The following ARK2N variants were observed in gnomAD, a reference collection of about 807,000 sequenced individuals.
ARK2N encodes the protein arkadia (RNF111) N-terminal like PKA signaling regulator 2N.
chr18:46,240,131 A>T, the ARK2N span: 2 of 1,614,220 alleles, frequency 1.2e-6, no homozygotes, highest in Non-Finnish European at 1.7e-6. Context: ...GGCGGCCAGG[A>T]CACAGGAGCT....
chr18:46,196,138 GC>G, the ARK2N span, among the ~76,000 whole-genome samples: 2 of 151,682 alleles, frequency 1.3e-5, no homozygotes, highest in Non-Finnish European at 2.9e-5. Flanking sequence ...GCGCCACCAC[GC>G]CCAGCTAATT....
At chr18:46,216,595 G>C in the ARK2N span, 1 of 1,604,706 alleles carries the variant, frequency 6.2e-7, no homozygotes, top group Non-Finnish European at 8.5e-7. This position sits in a 1 kb window ranked among gnomAD's most constrained non-coding sequence, Gnocchi z 4.3. Flanking sequence ...AGAGATACCA[G>C]GTAGAGGATG....
the ARK2N span, among the ~76,000 whole-genome samples, chr18:46,261,464 TC>T: frequency 6.6e-6 from 1 of 152,204 alleles, no homozygotes; most frequent in Admixed American, 6.5e-5. Context: ...AAGGTAGTGT[TC>T]CGTTGGCCTT....
the ARK2N span, among the ~76,000 whole-genome samples, chr18:46,177,693 C>T: frequency 1.3e-5 from 2 of 151,906 alleles, no homozygotes; most frequent in African/African-American, 4.8e-5. Flanking sequence ...TCCCAAAGTG[C>T]TGGGATTACA....
the ARK2N span, chr18:46,218,982 G>T: frequency 1.3e-5 from 2 of 152,158 alleles, no homozygotes; most frequent in African/African-American, 4.8e-5. Flanking sequence ...TTCAGAAAAT[G>T]CTCTTTATAA....
chr18:46,213,163 G>A, the ARK2N span, among the ~76,000 whole-genome samples: 2 of 151,470 alleles, frequency 1.3e-5, no homozygotes, highest in African/African-American at 4.9e-5. Context: ...CACCACGCCT[G>A]GCTAATTTTT....
At chr18:46,222,590 T>G in the ARK2N span, among the ~76,000 whole-genome samples, 2 of 152,222 alleles carry the variant, frequency 1.3e-5, no homozygotes, top group Middle Eastern at 3.2e-3. Flanking sequence ...AGTGCCTATA[T>G]TAACTTTGTA....
chr18:46,177,492 C>T, the ARK2N span, among the ~76,000 whole-genome samples: 5 of 141,016 alleles, frequency 3.5e-5, no homozygotes, highest in Admixed American at 7.6e-5. Context: ...AGTACAGTGG[C>T]GCGGTCTTGG....
At chr18:46,187,426 C>T in the ARK2N span, among the ~76,000 whole-genome samples, 1 of 151,286 alleles carries the variant, frequency 6.6e-6, no homozygotes, top group Non-Finnish European at 1.5e-5. Flanking sequence ...ACTGCAACCT[C>T]CGCCTCCCGG....
At chr18:46,189,947 T>C in the ARK2N span, among the ~76,000 whole-genome samples, 6 of 151,814 alleles carry the variant, frequency 4.0e-5, no homozygotes, top group Non-Finnish European at 8.8e-5. Context: ...TTCAGAACTT[T>C]TATGTTTGGT....
the ARK2N span, among the ~76,000 whole-genome samples, chr18:46,255,429 GCTTTTCTTTT>G: frequency 7.8e-6 from 1 of 127,462 alleles, no homozygotes. Flanking sequence ...TCTTTTCTTT[GCTTTTCTTTT>G]CTTTTCTTTT....
chr18:46,205,499 G>T, the ARK2N span, among the ~76,000 whole-genome samples: 3 of 152,188 alleles, frequency 2.0e-5, no homozygotes, highest in East Asian at 3.9e-4. Context: ...TGTGTTTTAC[G>T]GGTATGTCTT....
the ARK2N span, among the ~76,000 whole-genome samples, chr18:46,207,365 T>C: frequency 6.6e-6 from 1 of 151,392 alleles, no homozygotes; most frequent in African/African-American, 2.4e-5. Context: ...TCTAAGTTTC[T>C]CAGTAATTAC....
the ARK2N span, among the ~76,000 whole-genome samples, chr18:46,259,059 C>T: frequency 6.6e-6 from 1 of 152,084 alleles, no homozygotes; most frequent in Non-Finnish European, 1.5e-5. Flanking sequence ...TGTCCTCATC[C>T]ATCTCCTAAC....
the ARK2N span, among the ~76,000 whole-genome samples, chr18:46,183,515 G>T: frequency 5.9e-5 from 9 of 152,244 alleles, no homozygotes; most frequent in Non-Finnish European, 1.2e-4. Context: ...TTGCCCAGTT[G>T]TGTTAATTTG....
At chr18:46,253,779 T>C in the ARK2N span, 1 of 1,613,682 alleles carries the variant, frequency 6.2e-7, no homozygotes. Context: ...ACATTGCGTC[T>C]TCAGATAGTG....
chr18:46,241,226 C>A, the ARK2N span, among the ~76,000 whole-genome samples: 1 of 152,036 alleles, frequency 6.6e-6, no homozygotes, highest in Admixed American at 6.5e-5. Flanking sequence ...GTTTGTTGAC[C>A]TGATTGATTT....
the ARK2N span, among the ~76,000 whole-genome samples, chr18:46,184,594 C>T: frequency 3.3e-5 from 5 of 152,050 alleles, no homozygotes; most frequent in Admixed American, 2.0e-4. Context: ...TGGTGGCATG[C>T]GGCTGTAGTC....
chr18:46,256,351 G>A, the ARK2N span, among the ~76,000 whole-genome samples: 4 of 151,978 alleles, frequency 2.6e-5, no homozygotes, highest in African/African-American at 9.7e-5. Context: ...GTTACAGCAT[G>A]AACCACACTT....
Sources: gnomAD v4.1 joint callset for allele counts (sites outside exome capture counted in the v4.1 genomes callset) on GRCh38, gnomAD v4.1.1 for gene constraint, Gnocchi (gnomAD v3.1) non-coding constraint, MANE v1.5 for transcripts, NCBI Gene and HGNC (gene_info 2026-07-23, HGNC 2026-07-21) for gene names.